BLK: variants seen among roughly 807,000 people sequenced by gnomAD.
BLK encodes tyrosine-protein kinase Blk.
In BLK, 64 loss-of-function variants were observed where a neutral mutation model predicts 61.8. That is an observed-to-expected ratio of 1.03 (90% CI 0.85 to 1.27). BLK has a LOEUF of 1.27. Among genes scored for constraint, BLK ranks in the 50% most tolerant of loss-of-function variants. The pLI, the probability that BLK is intolerant of heterozygous loss-of-function variation, is 0.00. For synonymous variants in BLK, 351 were observed against 272.0 expected (o/e 1.29, Z -2.86); for missense variants, 853 against 660.5 (o/e 1.29, Z -3.19).
At chr8:11,553,109 GCACA>G (rs999274871) in intron 6 of BLK, 2 of 190,780 alleles carry the variant, frequency 1.0e-5, no homozygotes, top group Non-Finnish European at 1.1e-5. Context: ...ACGTACATAT[GCACA>G]CACACACACA....
Position 11,556,618 on chromosome 8 carries a change from C to G in BLK, c.773-40C>G, listed in dbSNP as rs202023607. On this transcript the variant is annotated intron_variant, in intron 8 of 12. Coordinates refer to ENST00000259089, the MANE Select transcript of BLK (RefSeq NM_001715.3). ...TTAAGGGATCACCTCCGAGCAAGCT[C>G]TCTGTCTTCTGATTGGCTTCTTCAC... The G allele has an allele frequency of 1.4e-3, 2,198 of 1,613,722 alleles. 48 individuals are homozygous for G. The South Asian group carries it at 0.022, about 16-fold the overall frequency.
At chr8:11,553,262 A>G (rs2117523258) in intron 6 of BLK, 1 of 240,788 alleles carries the variant, frequency 4.2e-6, no homozygotes, top group East Asian at 1.3e-4. Context: ...ACTGGTGTCT[A>G]TGTGAGGATA....
Position 11,550,263 on chromosome 8 carries a change from G to C in BLK, c.472+1G>C. The C allele has an allele frequency of 1.9e-6, 3 of 1,613,702 alleles. No individual in the cohort carries two copies. Among genetic ancestry groups the C allele is most frequent in the Non-Finnish European group, 2.5e-6 (3 of 1,179,910 alleles). On this transcript the variant is annotated splice_donor_variant, in intron 6 of 12. Transcript: ENST00000259089. LOFTEE classifies it high-confidence loss of function. ...ATCAGAGAGAGTGAAACCAACAAAGGTAGGCTTGGTGGCTTTGCCTGCCTT... is the reference window on the plus strand; with the variant it reads ...ATCAGAGAGAGTGAAACCAACAAAGCTAGGCTTGGTGGCTTTGCCTGCCTT...
chr8:11,564,011 G>T lies in BLK; in HGVS notation c.1421G>T (p.Arg474Leu). ...CGCGGCGTCATCGCCGAGTGCTGGCGCAGCCGGCCCGAGGAGCGGCCCACC... is the reference window on the plus strand; with the variant it reads ...CGCGGCGTCATCGCCGAGTGCTGGCTCAGCCGGCCCGAGGAGCGGCCCACC... ...LYRGVIAECW[R>L]SRPEERPTFE... is the part of the protein sequence containing the mutation. The change falls in exon 13 of 13, where the codon CGC (arginine) becomes CTC (leucine). Residue 474 changes from arginine (R) to leucine (L), a missense_variant. Coordinates refer to ENST00000259089, the MANE Select transcript of BLK (RefSeq NM_001715.3). The T allele has an allele frequency of 6.2e-7, 1 of 1,605,284 alleles. No homozygotes were observed. The highest frequency in any genetic ancestry group is 8.5e-7 in the Non-Finnish European group (1 of 1,179,116).
intron 2 of BLK, among the ~76,000 whole-genome samples, chr8:11,543,690 A>G (rs149026390): frequency 2.0e-5 from 3 of 152,182 alleles, no homozygotes; most frequent in Non-Finnish European, 2.9e-5. Flanking sequence ...CTTGTCCCCT[A>G]TGTGGCATTG....
In BLK at chr8:11,561,302, A is replaced by AT; in HGVS notation, c.1032dup (p.Ala345CysfsTer2). The stretch of plus-strand genomic sequence containing the variant: ...CTTCACCATGTGCCTGTTCCCTCAG[A>AT]TTGCTGAAGGGATGGCATACATTGA... On this transcript the variant is annotated frameshift_variant and splice_region_variant, in exon 11 of 13. Coordinates refer to ENST00000259089, the MANE Select transcript of BLK (RefSeq NM_001715.3). LOFTEE classifies it high-confidence loss of function. The AT allele has an allele frequency of 1.2e-6, 2 of 1,613,106 alleles. No individual in the cohort carries two copies. The highest frequency in any genetic ancestry group is 1.7e-6 in the Non-Finnish European group (2 of 1,179,538).
At chr8:11,544,690 TAG>T (rs1297904730) in intron 2 of BLK, among the ~76,000 whole-genome samples, 1 of 152,230 alleles carries the variant, frequency 6.6e-6, no homozygotes, top group African/African-American at 2.4e-5. Context: ...TTCCACTATG[TAG>T]AGTCACCAGA....
At chr8:11,533,895 A>C (rs1386437239) in intron 1 of BLK, among the ~76,000 whole-genome samples, 1 of 152,288 alleles carries the variant, frequency 6.6e-6, no homozygotes, top group Non-Finnish European at 1.5e-5. Context: ...GATCACTGGC[A>C]GTAAAACTGC....
chr8:11,529,649 C>T (rs1367596071), intron 1 of BLK, among the ~76,000 whole-genome samples: 2 of 152,026 alleles, frequency 1.3e-5, no homozygotes, highest in East Asian at 3.8e-4. Flanking sequence ...GCATCTAGTT[C>T]CCAGGAAAGA....
At chr8:11,556,316 C>T (rs1801219532) in intron 8 of BLK, 1 of 373,330 alleles carries the variant, frequency 2.7e-6, no homozygotes, top group South Asian at 2.3e-5. Flanking sequence ...CTTATTTCCA[C>T]CAAGGAGTTA....
At chr8:11,553,319 A>G (rs1563117767) in intron 6 of BLK, 1 of 393,238 alleles carries the variant, frequency 2.5e-6, no homozygotes, top group Admixed American at 3.1e-5. Flanking sequence ...GTGCTGAGAA[A>G]TCTTCATCTC....
Position 11,560,598 on chromosome 8 carries a change from C to A in BLK, c.1030-704C>A, listed in dbSNP as rs544164011. 15 of 332,480 alleles carry A rather than the reference C, an allele frequency of 4.5e-5. 1 individual carries two copies. Among genetic ancestry groups the A allele is most frequent in the South Asian group, 1.4e-4 (6 of 41,640 alleles). The allele number at this position is 332,480 out of a possible 1,614,324, so 20.6% of individuals were successfully genotyped here. Reference sequence around the variant, plus strand: ...CCTTAGTTTCCTCAGCTAAAAGGTGCCAAGTAGCACCAGCTGCTATCCCTG... The same window carrying A: ...CCTTAGTTTCCTCAGCTAAAAGGTGACAAGTAGCACCAGCTGCTATCCCTG... On this transcript the variant is annotated intron_variant, in intron 10 of 12. Transcript: ENST00000259089.
At chr8:11,533,824 T>C (rs185494248) in intron 1 of BLK, among the ~76,000 whole-genome samples, 205 of 152,320 alleles carry the variant, frequency 1.3e-3, no homozygotes, top group Middle Eastern at 6.8e-3. Flanking sequence ...AGAAATATAC[T>C]AATATGTAAG....
intron 1 of BLK, 60 bp from the exon 2 acceptor site, chr8:11,543,164 G>A (rs1800463725): frequency 1.9e-6 from 3 of 1,610,676 alleles, no homozygotes; most frequent in Non-Finnish European, 2.5e-6. Flanking sequence ...GATCCCCTCT[G>A]TGCAGAGGAT....
chr8:11,548,422 G>A (rs1800745033), intron 4 of BLK, among the ~76,000 whole-genome samples: 1 of 152,178 alleles, frequency 6.6e-6, no homozygotes. Flanking sequence ...TGTCCTTTAT[G>A]CAGGCTGGTC....
At position 11,521,123 on chromosome 8, in the gene BLK, T is replaced by C. The variant is rs181965048; in HGVS notation, c.-1-22101T>C. ...GTCCAGAAATAGGCCCATGATTATGTGGGAATTGAGTAAGTGATAAGGAAG... is the reference window on the plus strand; with the variant it reads ...GTCCAGAAATAGGCCCATGATTATGCGGGAATTGAGTAAGTGATAAGGAAG... On this transcript the variant is annotated intron_variant, in intron 1 of 12. Coordinates refer to ENST00000259089, the MANE Select transcript of BLK (RefSeq NM_001715.3). Among the ~76,000 whole-genome samples, 467 of 152,300 alleles carry C rather than the reference T, an allele frequency of 3.1e-3. 18 individuals carry two copies. The highest frequency in any genetic ancestry group is 0.029 in the Admixed American group (451 of 15,290).
chr8:11,540,169 TA>T, intron 1 of BLK, among the ~76,000 whole-genome samples: 1 of 152,280 alleles, frequency 6.6e-6, no homozygotes, highest in African/African-American at 2.4e-5. Flanking sequence ...TTTTGTTTTT[TA>T]TTTTTTTCAG....
Position 11,536,540 on chromosome 8 carries a change from G to A in BLK, c.-1-6684G>A, listed in dbSNP as rs138921775. On this transcript the variant is annotated intron_variant, in intron 1 of 12. Transcript: ENST00000259089. Reference sequence around the variant, plus strand: ...CAAGTAGCTGGGATTACAGGCATGCGCCTGGCTAATTTTTATAGGCACGTG... The same window carrying A: ...CAAGTAGCTGGGATTACAGGCATGCACCTGGCTAATTTTTATAGGCACGTG... Among the ~76,000 whole-genome samples, 684 of 152,062 alleles carry A rather than the reference G, an allele frequency of 4.5e-3. 10 individuals are homozygous for A. Among genetic ancestry groups the A allele is most frequent in the African/African-American group, 0.016 (653 of 41,454 alleles).
rs577612972 is a variant in BLK at position 11,537,522 on chromosome 8, T to C, written c.-1-5702T>C. ...GCCACAGGGGAGATGATAGGGAATC[T>C]GAACTGTCCCCTCCAAGGGACACAG... On this transcript the variant is annotated intron_variant, in intron 1 of 12. Transcript: ENST00000259089. Among the ~76,000 whole-genome samples the C allele has an allele frequency of 7.1e-4, 108 of 152,304 alleles. 4 individuals are homozygous for C. The South Asian group carries it at 0.022, about 30-fold the overall frequency.
Sources: allele counts gnomAD v4.1 joint callset (sites outside exome capture counted in the v4.1 genomes callset), GRCh38; gene constraint gnomAD v4.1.1; transcripts MANE v1.5; gene names NCBI Gene and HGNC (gene_info 2026-07-23, HGNC 2026-07-21).